Variants in SLC29A1 observed in about 807,000 individuals in gnomAD.
SLC29A1 encodes the protein equilibrative nucleoside transporter 1.
Under a neutral mutation model 48.3 loss-of-function variants are expected in SLC29A1, and 22 were observed. The observed-to-expected ratio is 0.46, with a 90% confidence interval of 0.33 to 0.65. The LOEUF (loss-of-function observed/expected upper bound fraction) is 0.65, where lower values mean the gene tolerates loss of function less well. Among genes scored for constraint, SLC29A1 ranks in the 30% least tolerant of loss-of-function variants. The probability of loss-of-function intolerance (pLI) is 0.03; values close to 1 mark genes in which losing one functional copy is unlikely to be tolerated. For synonymous variants in SLC29A1, 228 were observed against 231.0 expected (o/e 0.99, Z 0.12); for missense variants, 491 against 575.3 (o/e 0.85, Z 1.50).
intron 9 of SLC29A1, 128 bp downstream of exon 9, chr6:44,231,589 G>GTGCGTGCGTGCCCA (rs953841960): frequency 7.4e-6 from 5 of 677,760 alleles, no homozygotes; most frequent in African/African-American, 5.4e-5. Flanking sequence ...TCTTTTGTGT[G>GTGCGTGCGTGCCCA]TGCGTGCGTG....
upstream of SLC29A1, chr6:44,221,663 G>C: frequency 7.8e-7 from 1 of 1,289,488 alleles, no homozygotes; most frequent in African/African-American, 1.5e-5. The surrounding 1 kb of genome is among the most constrained non-coding windows in gnomAD (Gnocchi z 4.2). Context: ...GGCCTGGCTA[G>C]AAAAACTCCA....
Position 44,229,348 on chromosome 6 carries a change from G to A in SLC29A1, c.30-42G>A, listed in dbSNP as rs774701770. On this transcript the variant is annotated intron_variant, in intron 2 of 12. Coordinates refer to ENST00000371755, the MANE Select transcript of SLC29A1 (RefSeq NM_001372327.1). This position sits in a 1 kb window ranked among gnomAD's most constrained non-coding sequence, Gnocchi z 5.1. ...CTGGGGCTCATTGTGGAGTGGGGCA[G>A]GATGGTGCGTCATTTGGCCCATCTT... 2 of 1,479,174 alleles carry A rather than the reference G, an allele frequency of 1.4e-6. No individual in the cohort carries two copies. Among genetic ancestry groups the A allele is most frequent in the Admixed American group, 1.7e-5 (1 of 59,902 alleles). The allele number at this position is 1,479,174 out of a possible 1,614,324, so 91.6% of individuals were successfully genotyped here.
At chr6:44,230,950 G>T in intron 8 of SLC29A1, 61 bp downstream of exon 8, 3 of 1,305,476 alleles carry the variant, frequency 2.3e-6, no homozygotes, top group Non-Finnish European at 3.3e-6. Context: ...GATAGCATGA[G>T]CAAAGAGAAC....
In SLC29A1 at chr6:44,229,932, G is replaced by T; in HGVS notation, c.340G>T (p.Gly114Cys). 1 of 1,613,458 alleles carries T rather than the reference G, an allele frequency of 6.2e-7. No individual in the cohort carries two copies. ...GATCCCCCAGTCCGTACGGATCCTG[G>T]GCAGCCTGGTGGCCATCCTGCTGGT... Reference protein sequence around the residue: ...QRIPQSVRILGSLVAILLVFL... With the variant: ...QRIPQSVRILCSLVAILLVFL... The change falls in exon 5 of 13, where the codon GGC (glycine) becomes TGC (cysteine). Residue 114 changes from glycine to cysteine, a missense_variant. Gly to Cys is a radical substitution (Grantham distance 159, BLOSUM62 -3). Coordinates refer to ENST00000371755, the MANE Select transcript of SLC29A1 (RefSeq NM_001372327.1). This position sits in a 1 kb window ranked among gnomAD's most constrained non-coding sequence, Gnocchi z 5.1.
chr6:44,227,422 G>A, intron 2 of SLC29A1, 80 bp downstream of exon 2: 1 of 1,299,976 alleles, frequency 7.7e-7, no homozygotes, highest in Non-Finnish European at 1.1e-6. Flanking sequence ...GGAATTGGGG[G>A]TTGCCATTGC....
chr6:44,219,806 C>A (rs911948992), upstream of SLC29A1: 5 of 654,624 alleles, frequency 7.6e-6, no homozygotes, highest in Admixed American at 2.8e-5. Context: ...GGCCGGGGGG[C>A]CTGGCGGGGC....
intron 9 of SLC29A1, 95 bp from the exon 10 acceptor site, chr6:44,231,903 C>T (rs982212641): frequency 1.2e-5 from 11 of 884,950 alleles, no homozygotes; most frequent in Admixed American, 9.5e-5. Context: ...AGATTACAGG[C>T]GTGAGCCACC....
At chr6:44,227,488 C>CA in intron 2 of SLC29A1, 146 bp downstream of exon 2, 1 of 702,858 alleles carries the variant, frequency 1.4e-6, no homozygotes, top group Non-Finnish European at 2.5e-6. Flanking sequence ...GGGTGGGGAC[C>CA]CCGTGTGCCT....
Position 44,229,972 on chromosome 6 carries a change from C to T in SLC29A1, c.380C>T (p.Ala127Val). The T allele has an allele frequency of 6.2e-7, 1 of 1,613,056 alleles. No individual in the cohort carries two copies. Residue 127 changes from alanine (A) to valine (V), a missense_variant, in exon 5 of 13, where the codon GCC (alanine) becomes GTC (valine). Physicochemically the swap from Ala to Val is moderately conservative, Grantham distance 64 (BLOSUM62 0). Coordinates refer to ENST00000371755, the MANE Select transcript of SLC29A1 (RefSeq NM_001372327.1). This position sits in a 1 kb window ranked among gnomAD's most constrained non-coding sequence, Gnocchi z 5.1. ...VAILLVFLIT[A>V]ILVKVQLDAL... ...ATCCTGCTGGTGTTTCTGATCACTG[C>T]CATCCTGGTGAAGGTGCAGCTGGAT...
At position 44,230,592 on chromosome 6, in the gene SLC29A1, C is replaced by T. The variant is rs1465463363; in HGVS notation, c.614C>T (p.Ala205Val). The T allele has an allele frequency of 6.2e-7, 1 of 1,613,920 alleles. No individual in the cohort carries two copies. The highest frequency in any genetic ancestry group is 1.3e-5 in the African/African-American group (1 of 74,890). The change falls in exon 7 of 13, where the codon GCC becomes GTC. Residue 205 changes from alanine to valine, a missense_variant. Ala to Val is a moderately conservative substitution (Grantham distance 64, BLOSUM62 0). Coordinates refer to ENST00000371755, the MANE Select transcript of SLC29A1 (RefSeq NM_001372327.1). ...IASGSELSES[A>V]FGYFITACAV... ...GGTGGCTCGGAGCTATCAGAAAGTG[C>T]CTTCGGCTACTTTATCACAGCCTGT...
chr6:44,232,706 A>G lies in SLC29A1; in HGVS notation c.1060-101A>G. 1 of 1,083,096 alleles carries G rather than the reference A, an allele frequency of 9.2e-7. No homozygotes were observed. Among genetic ancestry groups the G allele is most frequent in the Non-Finnish European group, 1.4e-6 (1 of 731,520 alleles). 67.1% of individuals were successfully genotyped at this position (1,083,096 alleles called of 1,614,324 possible). On this transcript the variant is annotated intron_variant, in intron 11 of 12. Transcript: ENST00000371755. This position sits in a 1 kb window ranked among gnomAD's most constrained non-coding sequence, Gnocchi z 4.7. The stretch of plus-strand genomic sequence containing the variant: ...ACCCCCTAAGGAGAACCAGGCTTTG[A>G]GGTTTCAGTTCAGATCCTGAGGGGC...
Position 44,232,643 on chromosome 6 carries a change from G to A in SLC29A1, c.1060-164G>A. The A allele has an allele frequency of 1.5e-6, 1 of 673,584 alleles. No homozygotes were observed. The highest frequency in any genetic ancestry group is 2.5e-6 in the Non-Finnish European group (1 of 394,998). 41.7% of individuals were successfully genotyped at this position (673,584 alleles called of 1,614,324 possible). A position where few individuals can be genotyped will look rare whatever the true frequency, so the allele number is the denominator to read the frequency against. ...CAGATCGAGATGTAGAATATTTCCA[G>A]CACTCCAGAAGGCTCCACCATGCCC... On this transcript the variant is annotated intron_variant, in intron 11 of 12. Transcript: ENST00000371755. The surrounding 1 kb of genome is among the most constrained non-coding windows in gnomAD (Gnocchi z 4.7).
At chr6:44,223,370 T>C (rs1776692077), upstream of SLC29A1, 1 of 187,730 alleles carries the variant, frequency 5.3e-6, no homozygotes, top group South Asian at 1.7e-4. The surrounding 1 kb of genome is among the most constrained non-coding windows in gnomAD (Gnocchi z 5.0). Context: ...AGCCTTGGTG[T>C]GGCAGGGCCC....
In SLC29A1 at chr6:44,223,862, G is replaced by A; in HGVS notation, c.-52+221G>A. 2.0e-6 allele frequency: 2 copies of A among 998,658 alleles called. No homozygotes were observed. The highest frequency in any genetic ancestry group is 2.4e-6 in the Non-Finnish European group (2 of 838,424). The allele number at this position is 998,658 out of a possible 1,614,324, so 61.9% of individuals were successfully genotyped here. ...CTGCGGGGACCGGGACCCAAGCTGG[G>A]CGGGGCGGCCTGGCTCCCGGGCCTA... is the stretch of plus-strand genomic sequence containing the variant. On this transcript the variant is annotated intron_variant, in intron 1 of 12. Transcript: ENST00000371755. The surrounding 1 kb of genome is among the most constrained non-coding windows in gnomAD (Gnocchi z 5.0).
Position 44,229,489 on chromosome 6 carries a change from G to C in SLC29A1, c.111+18G>C. 2 of 1,611,058 alleles carry C rather than the reference G, an allele frequency of 1.2e-6. No homozygotes were observed. The highest frequency in any genetic ancestry group is 1.7e-6 in the Non-Finnish European group (2 of 1,177,192). Reference sequence around the variant, plus strand: ...CCACTCAGGTGAGGCTGGAGGGACTGGGCTCCATGGGGCAGTGCCCACTGT... The same window carrying C: ...CCACTCAGGTGAGGCTGGAGGGACTCGGCTCCATGGGGCAGTGCCCACTGT... On this transcript the variant is annotated intron_variant, in intron 3 of 12. Transcript: ENST00000371755. This position sits in a 1 kb window ranked among gnomAD's most constrained non-coding sequence, Gnocchi z 5.1.
At chr6:44,227,142 G>A (rs1777738801) in intron 1 of SLC29A1, 121 bp from the exon 2 acceptor site, 1 of 1,373,498 alleles carries the variant, frequency 7.3e-7, no homozygotes, top group Non-Finnish European at 9.8e-7. Context: ...GGTGCAGAGG[G>A]GGTCTTACTG....
In SLC29A1 at chr6:44,223,621, G is replaced by A; in HGVS notation, c.-72G>A. 1 of 1,213,124 alleles carries A rather than the reference G, an allele frequency of 8.2e-7. No homozygotes were observed. The highest frequency in any genetic ancestry group is 1.1e-6 in the Non-Finnish European group (1 of 951,030). 75.1% of individuals were successfully genotyped at this position (1,213,124 alleles called of 1,614,324 possible). A position where few individuals can be genotyped will look rare whatever the true frequency, so the allele number is the denominator to read the frequency against. On this transcript the variant is annotated 5_prime_UTR_variant, in exon 1 of 13. Coordinates refer to ENST00000371755, the MANE Select transcript of SLC29A1 (RefSeq NM_001372327.1). This position sits in a 1 kb window ranked among gnomAD's most constrained non-coding sequence, Gnocchi z 5.0. ...GCGAGAGCGCGCGGATCTCAGCGCG[G>A]GAGCAGTGCTTCTGCGGCAGGTGCT...
At chr6:44,230,234 G>A in intron 5 of SLC29A1, 113 bp from the exon 6 acceptor site, 1 of 1,520,988 alleles carries the variant, frequency 6.6e-7, no homozygotes, top group Non-Finnish European at 9.0e-7. Context: ...GAGAAGGGCA[G>A]CTCAGCCTCA....
At chr6:44,230,789 C>G in intron 7 of SLC29A1, 22 bp from the exon 8 acceptor site, 1 of 1,606,330 alleles carries the variant, frequency 6.2e-7, no homozygotes, top group Non-Finnish European at 8.5e-7. Context: ...AATCCACCTC[C>G]CCCGTCTCCC....
Sources: gnomAD v4.1 joint callset for allele counts on GRCh38, gnomAD v4.1.1 for gene constraint, Gnocchi (gnomAD v3.1) non-coding constraint, MANE v1.5 for transcripts, NCBI Gene and HGNC (gene_info 2026-07-23, HGNC 2026-07-21) for gene names.